MPRIP: variants seen among roughly 807,000 people sequenced by gnomAD.
MPRIP encodes the protein myosin phosphatase Rho-interacting protein.
A neutral mutation model predicts 234.9 loss-of-function variants in MPRIP; 59 were observed. The ratio of observed to expected loss-of-function variants is 0.25; its 90% CI spans 0.20 to 0.31. The LOEUF (loss-of-function observed/expected upper bound fraction) is 0.31, where lower values mean the gene tolerates loss of function less well. Ranked by LOEUF, MPRIP falls within the 10% of genes least tolerant of loss-of-function variation. The pLI is 1.00. For synonymous variants in MPRIP, 1,144 were observed against 1,263.9 expected, an observed-to-expected ratio of 0.91 and a Z score of 2.01; for missense variants, 2,436 against 3,071.0, an observed-to-expected ratio of 0.79 and a Z score of 4.89.
intron 13 of MPRIP, among the ~76,000 whole-genome samples, chr17:17,157,620 G>A (rs1452396341): frequency 1.3e-5 from 2 of 152,190 alleles, no homozygotes; most frequent in Non-Finnish European, 2.9e-5. Context: ...CCTGAGGTCA[G>A]GAGTTTGAGA....
intron 11 of MPRIP, among the ~76,000 whole-genome samples, chr17:17,149,198 A>G (rs1380256644): frequency 6.6e-6 from 1 of 152,194 alleles, no homozygotes; most frequent in Non-Finnish European, 1.5e-5. Context: ...GCTATTAAAA[A>G]TACTTCCTTT....
intron 3 of MPRIP, among the ~76,000 whole-genome samples, chr17:17,102,951 C>A (rs1277771845): frequency 6.6e-6 from 1 of 152,274 alleles, no homozygotes; most frequent in Non-Finnish European, 1.5e-5. Flanking sequence ...CCACTTCTGT[C>A]TGGCATGGGC....
intron 4 of MPRIP, among the ~76,000 whole-genome samples, chr17:17,127,112 C>T (rs2090506998): frequency 6.6e-6 from 1 of 152,220 alleles, no homozygotes; most frequent in Admixed American, 6.5e-5. Context: ...CCATTGCACT[C>T]ACCACACCCC....
chr17:17,119,847 T>C (rs1326116276), intron 3 of MPRIP, among the ~76,000 whole-genome samples: 1 of 152,226 alleles, frequency 6.6e-6, no homozygotes, highest in East Asian at 1.9e-4. Flanking sequence ...GTAGAAATAC[T>C]GACTCACCGT....
chr17:17,143,513 A>C, intron 8 of MPRIP, 43 bp from the exon 9 acceptor site: 1 of 1,345,520 alleles, frequency 7.4e-7, no homozygotes, highest in South Asian at 1.4e-5. Flanking sequence ...ACATGCCCAC[A>C]TTGCCCTGGG....
At chr17:17,152,478 C>T (rs1335237042) in intron 12 of MPRIP, among the ~76,000 whole-genome samples, 1 of 152,252 alleles carries the variant, frequency 6.6e-6, no homozygotes. Flanking sequence ...TGATCCCCAA[C>T]TACTGAGAGT....
intron 1 of MPRIP, among the ~76,000 whole-genome samples, chr17:17,066,591 C>G (rs1353406441): frequency 6.6e-6 from 1 of 152,014 alleles, no homozygotes; most frequent in East Asian, 1.9e-4. Flanking sequence ...GCAAGAGATA[C>G]ATTCCAACAG....
chr17:17,067,814 T>TA (rs1555563271), intron 1 of MPRIP, among the ~76,000 whole-genome samples: 2 of 141,978 alleles, frequency 1.4e-5, no homozygotes, highest in Non-Finnish European at 3.0e-5. Flanking sequence ...TTTTTTTTTT[T>TA]AACAATTATA....
chr17:17,089,151 C>T (rs1284341903), intron 3 of MPRIP, among the ~76,000 whole-genome samples: 1 of 152,200 alleles, frequency 6.6e-6, no homozygotes, highest in Non-Finnish European at 1.5e-5. Context: ...TTTCCTGTGG[C>T]CACTGTAACA....
chr17:17,064,232 A>C (rs575457716), intron 1 of MPRIP, among the ~76,000 whole-genome samples: 6 of 145,264 alleles, frequency 4.1e-5, no homozygotes, highest in African/African-American at 1.6e-4. Context: ...GATGGAGTCT[A>C]TCTCTGTTGC....
At chr17:17,045,882 T>C (rs2088332847) in intron 1 of MPRIP, among the ~76,000 whole-genome samples, 1 of 150,930 alleles carries the variant, frequency 6.6e-6, no homozygotes, top group Non-Finnish European at 1.5e-5. Flanking sequence ...CTGAGCTCAC[T>C]GCAAGCTACG....
At chr17:17,092,707 T>C (rs1048030634) in intron 3 of MPRIP, among the ~76,000 whole-genome samples, 2 of 152,174 alleles carry the variant, frequency 1.3e-5, no homozygotes, top group African/African-American at 4.8e-5. Flanking sequence ...AGTAAAGTTT[T>C]CCTCCTGGGG....
Position 17,185,604 on chromosome 17 carries a change from G to A in MPRIP, c.*710G>A, listed in dbSNP as rs142979046. ...CCTTCCTTCCTTCCTTCCTCCGCTC[G>A]TTCCTTTCTTGGTCTCCAGTAACCC... On this transcript the variant is annotated 3_prime_UTR_variant, in exon 24 of 24. Coordinates refer to ENST00000651222, the MANE Select transcript of MPRIP (RefSeq NM_001364716.4). The A allele has an allele frequency of 3.5e-5, 16 of 454,418 alleles. No homozygotes were observed. Among genetic ancestry groups the A allele is most frequent in the South Asian group, 1.6e-4 (10 of 64,262 alleles). The allele number at this position is 454,418 out of a possible 1,614,324, so 28.1% of individuals were successfully genotyped here. A position where few individuals can be genotyped will look rare whatever the true frequency, so the allele number is the denominator to read the frequency against.
chr17:17,096,156 G>A (rs1433497121), intron 3 of MPRIP, among the ~76,000 whole-genome samples: 1 of 152,128 alleles, frequency 6.6e-6, no homozygotes, highest in African/African-American at 2.4e-5. Context: ...TGGGCATATC[G>A]TGCCTGCCTT....
Position 17,172,796 on chromosome 17 carries a change from G to C in MPRIP, c.6571G>C (p.Ala2191Pro), listed in dbSNP as rs1429095113. 2 of 1,612,242 alleles carry C rather than the reference G, an allele frequency of 1.2e-6. No homozygotes were observed. Among genetic ancestry groups the C allele is most frequent in the Non-Finnish European group, 1.7e-6 (2 of 1,179,978 alleles). Residue 2191 changes from alanine (A) to proline (P), a missense_variant, in exon 18 of 24, where the codon GCC becomes CCC. Around this residue, in one of 4 missense-constraint regions of MPRIP, gnomAD observed 1,998 missense variants for 2,520.3 expected, o/e 0.79. Transcript: ENST00000651222. ...CAGCAGCGTCAACTCGGATGTTGAG[G>C]CCCTGCGGCGCCAGTACCTGTAAGT... ...QISSVNSDVE[A>P]LRRQYLEELQ... is the part of the protein sequence containing the mutation.
intron 12 of MPRIP, among the ~76,000 whole-genome samples, chr17:17,150,676 A>G (rs2045580827): frequency 6.8e-6 from 1 of 147,908 alleles, no homozygotes; most frequent in Non-Finnish European, 1.5e-5. Flanking sequence ...TACTCAGATG[A>G]GCAAGGCATT....
At chr17:17,070,502 C>T (rs928083375) in intron 1 of MPRIP, among the ~76,000 whole-genome samples, 2 of 152,084 alleles carry the variant, frequency 1.3e-5, no homozygotes, top group African/African-American at 4.8e-5. Context: ...TTCTGTGTTC[C>T]AGTTCACTGA....
intron 3 of MPRIP, among the ~76,000 whole-genome samples, chr17:17,112,404 A>T (rs76440905): frequency 6.6e-6 from 1 of 152,158 alleles, no homozygotes; most frequent in Non-Finnish European, 1.5e-5. Flanking sequence ...CCGTATCATG[A>T]AGTCTGTGGC....
At chr17:17,103,151 A>G (rs1473702089) in intron 3 of MPRIP, among the ~76,000 whole-genome samples, 1 of 152,238 alleles carries the variant, frequency 6.6e-6, no homozygotes, top group Non-Finnish European at 1.5e-5. Flanking sequence ...AGGCCCAGGC[A>G]GTTCAGGCAG....
Sources: gnomAD v4.1 joint callset for allele counts (sites outside exome capture counted in the v4.1 genomes callset) on GRCh38, gnomAD v4.1.1 for gene constraint, gnomAD v4.1.1 regional missense constraint, MANE v1.5 for transcripts, NCBI Gene and HGNC (gene_info 2026-07-23, HGNC 2026-07-21) for gene names.